Variants in DCHS2 observed in about 807,000 individuals in gnomAD.
DCHS2 encodes the protein dachsous cadherin-related 2, also known as protocadherin-23.
In DCHS2, 142 loss-of-function variants were observed where a neutral mutation model predicts 182.4. The observed-to-expected ratio is 0.78, with a 90% confidence interval of 0.68 to 0.89. The LOEUF (loss-of-function observed/expected upper bound fraction) is 0.89, where lower values mean the gene tolerates loss of function less well. Ranked by LOEUF, DCHS2 falls within the 40% of genes least tolerant of loss-of-function variation. The pLI, the probability that DCHS2 is intolerant of heterozygous loss-of-function variation, is 0.00. For synonymous variants in DCHS2, 1,740 were observed against 1,663.3 expected, an observed-to-expected ratio of 1.05 and a Z score of -1.12; for missense variants, 4,319 against 4,198.6, an observed-to-expected ratio of 1.03 and a Z score of -0.79.
At chr4:154,449,616 T>A (rs1907153) in intron 1 of DCHS2, among the ~76,000 whole-genome samples, 46,318 of 152,062 alleles carry the variant, frequency 0.3, 8,121 homozygotes, top group South Asian at 0.46. Flanking sequence ...CGAGCAATAC[T>A]CTTGCCTCGG....
At chr4:154,318,169 T>A (rs1039971327) in intron 9 of DCHS2, among the ~76,000 whole-genome samples, 4 of 151,884 alleles carry the variant, frequency 2.6e-5, no homozygotes, top group Non-Finnish European at 4.4e-5. Context: ...CCATTAAAGT[T>A]AGTTCTCCAA....
chr4:154,323,473 G>A (rs976791539), intron 7 of DCHS2: 23 of 1,182,172 alleles, frequency 1.9e-5, no homozygotes, highest in Admixed American at 2.7e-5. Context: ...GGGACTACAG[G>A]CATGGGCCAA....
chr4:154,484,471 C>G (rs1196175876), intron 1 of DCHS2, among the ~76,000 whole-genome samples: 3 of 152,188 alleles, frequency 2.0e-5, no homozygotes, highest in Non-Finnish European at 4.4e-5. Context: ...AAAACAGCCT[C>G]CCATTACTTC....
chr4:154,301,670 T>C (rs1735198215), intron 12 of DCHS2, among the ~76,000 whole-genome samples: 6 of 152,120 alleles, frequency 3.9e-5, no homozygotes, highest in Admixed American at 3.9e-4. Context: ...TGGCTAATTT[T>C]GTATTTTTAG....
chr4:154,473,621 G>T (rs1300680235), intron 1 of DCHS2, among the ~76,000 whole-genome samples: 1 of 152,160 alleles, frequency 6.6e-6, no homozygotes, highest in Admixed American at 6.5e-5. Context: ...ATGAAGATCT[G>T]AGTCACACCA....
chr4:154,461,741 A>G (rs1735018262), intron 1 of DCHS2, among the ~76,000 whole-genome samples: 1 of 152,126 alleles, frequency 6.6e-6, no homozygotes, highest in African/African-American at 2.4e-5. Context: ...TGTGCTCTTA[A>G]GATTATTACC....
intron 3 of DCHS2, among the ~76,000 whole-genome samples, chr4:154,339,560 C>T (rs1442305920): frequency 6.6e-6 from 1 of 151,954 alleles, no homozygotes; most frequent in African/African-American, 2.4e-5. Context: ...AGCGATTCTC[C>T]CGCCTCAGCC....
chr4:154,306,214 T>A (rs746526214), intron 10 of DCHS2, among the ~76,000 whole-genome samples: 8 of 152,108 alleles, frequency 5.3e-5, no homozygotes, highest in Non-Finnish European at 1.2e-4. Context: ...TATTACTATA[T>A]AACTTGGAGG....
intron 1 of DCHS2, among the ~76,000 whole-genome samples, chr4:154,447,398 G>A (rs1734346069): frequency 6.6e-6 from 1 of 152,138 alleles, no homozygotes; most frequent in South Asian, 2.1e-4. Flanking sequence ...TTGCCTCTAT[G>A]TTGCTGCTGA....
intron 1 of DCHS2, among the ~76,000 whole-genome samples, chr4:154,473,360 G>A (rs764246256): frequency 6.6e-6 from 1 of 152,150 alleles, no homozygotes; most frequent in Non-Finnish European, 1.5e-5. Flanking sequence ...TTGGTCATTC[G>A]GTCTTCTTGT....
At chr4:154,406,944 GATGCCACATCT>G (rs1256090559) in intron 1 of DCHS2, among the ~76,000 whole-genome samples, 1 of 152,186 alleles carries the variant, frequency 6.6e-6, no homozygotes, top group Admixed American at 6.5e-5. Context: ...AAAGAAAAAA[GATGCCACATCT>G]ATCAATCATT....
At chr4:154,285,526 C>T (rs1734354494) in intron 13 of DCHS2, among the ~76,000 whole-genome samples, 1 of 152,178 alleles carries the variant, frequency 6.6e-6, no homozygotes, top group Non-Finnish European at 1.5e-5. Context: ...AGTTCCAGGC[C>T]TGGCAATATT....
intron 1 of DCHS2, among the ~76,000 whole-genome samples, chr4:154,399,885 T>C (rs978205891): frequency 1.3e-5 from 2 of 152,206 alleles, no homozygotes; most frequent in African/African-American, 4.8e-5. Flanking sequence ...TATGCTACGC[T>C]GCTGTGAATG....
chr4:154,417,295 A>ACTGT (rs528157011), intron 1 of DCHS2, among the ~76,000 whole-genome samples: 227 of 150,490 alleles, frequency 1.5e-3, no homozygotes, highest in African/African-American at 5.1e-3. Context: ...TTTACAGTGC[A>ACTGT]GACTCCCAAG....
intron 10 of DCHS2, among the ~76,000 whole-genome samples, chr4:154,305,476 T>A (rs1037404058): frequency 1.3e-5 from 2 of 152,162 alleles, no homozygotes; most frequent in African/African-American, 4.8e-5. Context: ...TGCTTAGAAT[T>A]TTTTCCTTCC....
At chr4:154,346,515 TG>T (rs1325401235) in intron 3 of DCHS2, among the ~76,000 whole-genome samples, 1 of 115,052 alleles carries the variant, frequency 8.7e-6, no homozygotes, top group Non-Finnish European at 1.9e-5. Flanking sequence ...TTTGGTAACA[TG>T]TCCTTATTTA....
intron 1 of DCHS2, among the ~76,000 whole-genome samples, chr4:154,450,556 G>C (rs1054843877): frequency 2.0e-5 from 3 of 152,206 alleles, no homozygotes; most frequent in Admixed American, 2.0e-4. Flanking sequence ...GAGCCAGCCG[G>C]GCAGGGTGGT....
intron 1 of DCHS2, among the ~76,000 whole-genome samples, chr4:154,395,768 T>C (rs1731905289): frequency 6.6e-6 from 1 of 152,038 alleles, no homozygotes; most frequent in Non-Finnish European, 1.5e-5. Flanking sequence ...CCCTCAAATA[T>C]CCTTAGTGGA....
chr4:154,485,723 C>T (rs1728558716), intron 1 of DCHS2, among the ~76,000 whole-genome samples: 5 of 152,158 alleles, frequency 3.3e-5, no homozygotes, highest in Admixed American at 3.3e-4. Context: ...GATGAATGAA[C>T]ATAGTACTTG....
Sources: gnomAD v4.1 joint callset for allele counts (sites outside exome capture counted in the v4.1 genomes callset) on GRCh38, gnomAD v4.1.1 for gene constraint, MANE v1.5 for transcripts, NCBI Gene and HGNC (gene_info 2026-07-23, HGNC 2026-07-21) for gene names.